NOTCH2: variants seen among roughly 807,000 people sequenced by gnomAD.
NOTCH2 encodes the protein neurogenic locus notch homolog protein 2.
In NOTCH2, 29 loss-of-function variants were observed where a neutral mutation model predicts 235.8. The observed-to-expected ratio is 0.12, with a 90% CI of 0.09 to 0.17. NOTCH2 has a LOEUF of 0.17. NOTCH2 is among the 10% of genes least tolerant of loss of function. The probability of loss-of-function intolerance (pLI) is 1.00; values close to 1 mark genes in which losing one functional copy is unlikely to be tolerated. For synonymous variants in NOTCH2, 1,086 were observed against 1,141.5 expected (o/e 0.95, Z 0.98); for missense variants, 2,285 against 3,150.2 (o/e 0.73, Z 6.57).
intron 1 of NOTCH2, 69 bp downstream of exon 1, chr1:120,069,265 G>C (rs1163882896): frequency 6.6e-7 from 1 of 1,526,420 alleles, no homozygotes; most frequent in Non-Finnish European, 8.7e-7. Flanking sequence ...GAAGGACCGA[G>C]GGGGAGAAGG....
At position 119,953,682 on chromosome 1, in the gene NOTCH2, CTT is replaced by C; in HGVS notation, c.2224_2225del (p.Lys742ValfsTer4). The C allele has an allele frequency of 6.2e-7, 1 of 1,614,078 alleles. No individual in the cohort carries two copies. The highest frequency in any genetic ancestry group is 8.5e-7 in the Non-Finnish European group (1 of 1,179,976). ...GNCTGGLSGY[K>X]CLCDAGWVGI... is the part of the protein sequence containing the mutation. ...CAACCCAGCCTGCATCACAGAGACA[CTT>C]ATATCTGAAAGAAGACAAAACTTTT... is the stretch of plus-strand genomic sequence containing the variant. On this transcript the variant is annotated frameshift_variant, in exon 14 of 34. Coordinates refer to ENST00000256646, the MANE Select transcript of NOTCH2 (RefSeq NM_024408.4). LOFTEE classifies it high-confidence loss of function.
At chr1:119,930,682 G>A (rs782550678) in intron 22 of NOTCH2, among the ~76,000 whole-genome samples, 1 of 151,992 alleles carries the variant, frequency 6.6e-6, no homozygotes, top group African/African-American at 2.4e-5. Flanking sequence ...GGGAGGCTGA[G>A]GCAGGAGAAT....
intron 13 of NOTCH2, 127 bp from the exon 14 acceptor site, chr1:119,953,815 T>G (rs1261523546): frequency 1.2e-6 from 1 of 825,734 alleles, no homozygotes; most frequent in South Asian, 1.4e-5. Context: ...GAACTATCCT[T>G]GCATCACCTT....
chr1:119,950,298 C>G (rs1053601891), intron 15 of NOTCH2: 1 of 360,322 alleles, frequency 2.8e-6, no homozygotes, highest in Non-Finnish European at 5.4e-6. Flanking sequence ...GGAACTTCTA[C>G]ATTGTAGAAT....
chr1:119,948,616 A>T, intron 16 of NOTCH2, 50 bp from the exon 17 acceptor site: 1 of 1,607,088 alleles, frequency 6.2e-7, no homozygotes, highest in South Asian at 1.1e-5. Flanking sequence ...GCTGATTCCC[A>T]CAAAAATCTA....
At position 119,949,213 on chromosome 1, in the gene NOTCH2, A is replaced by T. The variant is rs1431180341; in HGVS notation, c.2480-87T>A. On this transcript the variant is annotated intron_variant, in intron 15 of 33. Coordinates refer to ENST00000256646, the MANE Select transcript of NOTCH2 (RefSeq NM_024408.4). Reference sequence around the variant, plus strand: ...ATCCCAAGGATGTTCTCTGAATTCAAGTCAAAAGTCCTGATTAAGAGGCTT... The same window carrying T: ...ATCCCAAGGATGTTCTCTGAATTCATGTCAAAAGTCCTGATTAAGAGGCTT... The T allele has an allele frequency of 2.2e-6, 3 of 1,385,480 alleles. No individual in the cohort carries two copies. In the African/African-American group the frequency reaches 4.3e-5, roughly 20 times the overall value. 85.8% of individuals were successfully genotyped at this position (1,385,480 alleles called of 1,614,324 possible).
Position 119,916,018 on chromosome 1 carries a change from C to T in NOTCH2, c.6704G>A (p.Ser2235Asn). Residue 2235 changes from serine to asparagine, a missense_variant, in exon 34 of 34, where the codon AGT becomes AAT. By Grantham distance (46) the Ser-to-Asn change is conservative. This residue lies in a region of NOTCH2 where 504 missense variants were observed against 538.0 expected (regional missense o/e 0.94). Transcript: ENST00000256646. ...CCTACTCAAGCTTCCAGCACTGCCACTGCCTGGAGACACAATGTGGTGGTG... is the reference window on the plus strand; with the variant it reads ...CCTACTCAAGCTTCCAGCACTGCCATTGCCTGGAGACACAATGTGGTGGTG... ...LSHHHIVSPGSGSAGSLSRLH... is the reference protein window; with the variant it reads ...LSHHHIVSPGNGSAGSLSRLH... 1 of 1,613,820 alleles carries T rather than the reference C, an allele frequency of 6.2e-7. No individual in the cohort carries two copies. The highest frequency in any genetic ancestry group is 8.5e-7 in the Non-Finnish European group (1 of 1,180,026).
At position 119,919,694 on chromosome 1, in the gene NOTCH2, A is replaced by G. The variant is rs1047883070; in HGVS notation, c.5480-81T>C. On this transcript the variant is annotated intron_variant, in intron 30 of 33. Transcript: ENST00000256646. The stretch of plus-strand genomic sequence containing the variant: ...ATGGTTGAAACAGCTCTATTTGACT[A>G]AAGTTATTCTTAGGGGCAAAGAATT... The G allele has an allele frequency of 1.7e-5, 23 of 1,370,332 alleles. No individual in the cohort carries two copies. In the African/African-American group the frequency reaches 2.7e-4, roughly 16 times the overall value. 84.9% of individuals were successfully genotyped at this position (1,370,332 alleles called of 1,614,324 possible).
intron 5 of NOTCH2, among the ~76,000 whole-genome samples, chr1:119,979,137 T>C (rs1466708): frequency 0.05 from 7,683 of 152,204 alleles, 636 homozygotes; most frequent in African/African-American, 0.17. Context: ...GAAGAAGCTA[T>C]AAAGGACTGA....
At chr1:119,996,336 G>A (rs1382411610) in intron 4 of NOTCH2, 45 of 365,314 alleles carry the variant, frequency 1.2e-4, no homozygotes, top group Admixed American at 8.7e-5. Flanking sequence ...ACAAAGTATT[G>A]TGCCACGCAT....
intron 1 of NOTCH2, among the ~76,000 whole-genome samples, chr1:120,039,014 C>A (rs1553212318): frequency 6.6e-6 from 1 of 151,312 alleles, no homozygotes; most frequent in Admixed American, 6.6e-5. Flanking sequence ...AAAATTCCAA[C>A]TGAATGGGAA....
chr1:119,936,341 G>A (rs1205215031), intron 21 of NOTCH2, among the ~76,000 whole-genome samples: 1 of 152,184 alleles, frequency 6.6e-6, no homozygotes. Flanking sequence ...AGGAATCTCT[G>A]GGTCAGAGAG....
chr1:119,966,177 CTT>C (rs34837902), intron 9 of NOTCH2, among the ~76,000 whole-genome samples, 197 bp downstream of exon 9: 1 of 152,194 alleles, frequency 6.6e-6, no homozygotes, highest in Non-Finnish European at 1.5e-5. Flanking sequence ...TAGACTTGGA[CTT>C]TTGGCCACAA....
chr1:120,069,086 G>C, intron 1 of NOTCH2: 1 of 1,498,548 alleles, frequency 6.7e-7, no homozygotes, highest in South Asian at 1.2e-5. Flanking sequence ...CCTCCCTCCT[G>C]CCGAGGAGGC....
intron 26 of NOTCH2, among the ~76,000 whole-genome samples, chr1:119,922,982 A>G (rs898735129): frequency 3.9e-5 from 6 of 152,224 alleles, no homozygotes; most frequent in Non-Finnish European, 8.8e-5. Flanking sequence ...TAATTCCCAC[A>G]TAGAGGATGT....
chr1:119,966,203 T>C (rs1293861573), intron 9 of NOTCH2, among the ~76,000 whole-genome samples, 173 bp downstream of exon 9: 1 of 152,176 alleles, frequency 6.6e-6, no homozygotes, highest in Non-Finnish European at 1.5e-5. Flanking sequence ...ACTTGTAAGA[T>C]ATAGTAGCTA....
Position 119,935,598 on chromosome 1 carries a change from G to A in NOTCH2, c.3529C>T (p.Pro1177Ser). Residue 1177 changes from proline to serine, a missense_variant, in exon 22 of 34, where the codon CCA (proline) becomes TCA (serine). Coordinates refer to ENST00000256646, the MANE Select transcript of NOTCH2 (RefSeq NM_024408.4). The stretch of plus-strand genomic sequence containing the variant: ...TCACAGTTGACACCCTGATAGCCTG[G>A]GACACACTGCCATGAGGAAACAAAA... ...FIGGYRCECV[P>S]GYQGVNCEYE... The A allele has an allele frequency of 1.2e-6, 2 of 1,614,050 alleles. No individual in the cohort carries two copies. The highest frequency in any genetic ancestry group is 1.1e-5 in the South Asian group (1 of 91,076).
chr1:119,984,277 T>A (rs1296994430), intron 5 of NOTCH2, among the ~76,000 whole-genome samples: 1 of 152,192 alleles, frequency 6.6e-6, no homozygotes. Flanking sequence ...ACAAAATCAA[T>A]TTTATATAGA....
At chr1:119,946,572 T>C (rs1553197066) in intron 17 of NOTCH2, among the ~76,000 whole-genome samples, 1 of 152,038 alleles carries the variant, frequency 6.6e-6, no homozygotes, top group African/African-American at 2.4e-5. Flanking sequence ...TATCACCATG[T>C]CAACAGATGT....
Sources: allele counts gnomAD v4.1 joint callset (sites outside exome capture counted in the v4.1 genomes callset), GRCh38; gene constraint gnomAD v4.1.1; regional missense constraint gnomAD v4.1.1; transcripts MANE v1.5; gene names NCBI Gene and HGNC (gene_info 2026-07-23, HGNC 2026-07-21).